The following JSRP1 variants were observed in gnomAD, a reference collection of about 807,000 sequenced individuals.
JSRP1 encodes the protein junctional sarcoplasmic reticulum protein 1.
A neutral mutation model predicts 21.4 loss-of-function variants in JSRP1; 29 were observed. That is an observed-to-expected ratio of 1.36 (90% CI 1.01 to 1.85). The LOEUF (loss-of-function observed/expected upper bound fraction) is 1.85. Ranked by LOEUF, JSRP1 falls within the 40% of genes most tolerant of loss-of-function variation. The probability of loss-of-function intolerance (pLI) is 0.00; values close to 1 mark genes in which losing one functional copy is unlikely to be tolerated. For synonymous variants in JSRP1, 221 were observed against 206.1 expected, an observed-to-expected ratio of 1.07 and a Z score of -0.62; for missense variants, 531 against 461.5, an observed-to-expected ratio of 1.15 and a Z score of -1.38.
At chr19:2,255,639 A>C (rs754346542) in intron 1 of JSRP1, among the ~76,000 whole-genome samples, 2 of 152,230 alleles carry the variant, frequency 1.3e-5, no homozygotes, top group African/African-American at 2.4e-5. Context: ...CTGCAGGACA[A>C]CACAGCAATG....
At chr19:2,252,873 A>AG (rs1599141522) in intron 6 of JSRP1, 39 bp downstream of exon 6, 1 of 1,596,492 alleles carries the variant, frequency 6.3e-7, no homozygotes, top group Non-Finnish European at 8.6e-7. Context: ...TTGGGGATGA[A>AG]GGTCCCAATG....
chr19:2,252,289 G>C lies in JSRP1; in HGVS notation c.*40C>G, dbSNP rs916792939. On this transcript the variant is annotated 3_prime_UTR_variant, in exon 7 of 7. Coordinates refer to ENST00000300961, the MANE Select transcript of JSRP1 (RefSeq NM_144616.4). ...CGCTTTATTTCGCCAGAGTCGCGGG[G>C]CGTCCAGAAGGGGCCCCTGGACTCC... is the stretch of plus-strand genomic sequence containing the variant. The C allele has an allele frequency of 1.4e-6, 2 of 1,409,096 alleles. No homozygotes were observed. Among genetic ancestry groups the C allele is most frequent in the Non-Finnish European group, 1.9e-6 (2 of 1,074,860 alleles). 87.3% of individuals were successfully genotyped at this position (1,409,096 alleles called of 1,614,324 possible). A position where few individuals can be genotyped will look rare whatever the true frequency, so the allele number is the denominator to read the frequency against.
rs2064707015 is a variant in JSRP1, at chr19:2,252,667, C to T, written c.658G>A (p.Gly220Arg). The T allele has an allele frequency of 3.1e-6, 5 of 1,612,030 alleles. No individual in the cohort carries two copies. The highest frequency in any genetic ancestry group is 1.3e-5 in the African/African-American group (1 of 74,920). The change falls in exon 7 of 7, where the codon GGA (glycine) becomes AGA (arginine). Residue 220 changes from glycine to arginine, a missense_variant. Transcript: ENST00000300961. Reference sequence around the variant, plus strand: ...ACACGGTCCTCCCGGACGGCCTCTCCGGTGGCCTCGCCGGGCTCCTCTTCG... The same window carrying T: ...ACACGGTCCTCCCGGACGGCCTCTCTGGTGGCCTCGCCGGGCTCCTCTTCG... ...NDEEEPGEAT[G>R]EAVREDRVTL... is the part of the protein sequence containing the mutation.
intron 6 of JSRP1, 32 bp from the exon 7 acceptor site, chr19:2,252,828 G>A (rs866076150): frequency 6.3e-7 from 1 of 1,595,640 alleles, no homozygotes; most frequent in Non-Finnish European, 8.6e-7. Flanking sequence ...TGGGGTAAGC[G>A]CCCACCTTCC....
chr19:2,256,295 C>G (rs1184356352), intron 1 of JSRP1, 88 bp downstream of exon 1: 1 of 152,286 alleles, frequency 6.6e-6, no homozygotes, highest in East Asian at 1.9e-4. Flanking sequence ...CCTTACAGTC[C>G]TCTGCAACAC....
chr19:2,252,310 ACTCCGGCGCGGGGCCGG>A lies in JSRP1; in HGVS notation c.*2_*18del. ...CGGGGCGTCCAGAAGGGGCCCCTGG[ACTCCGGCGCGGGGCCGG>A]CTCAGTCCCGCCCCTTGCCTGCGCG... On this transcript the variant is annotated 3_prime_UTR_variant, in exon 7 of 7. Transcript: ENST00000300961. 6.2e-6 allele frequency: 9 copies of A among 1,445,940 alleles called. No homozygotes were observed. Among genetic ancestry groups the A allele is most frequent in the Non-Finnish European group, 8.1e-6 (9 of 1,104,890 alleles). The allele number at this position is 1,445,940 out of a possible 1,614,324, so 89.6% of individuals were successfully genotyped here.
intron 1 of JSRP1, among the ~76,000 whole-genome samples, chr19:2,255,789 C>G (rs78726952): frequency 6.6e-6 from 1 of 152,214 alleles, no homozygotes; most frequent in Non-Finnish European, 1.5e-5. Flanking sequence ...GGCCTCTGCT[C>G]TCATGGGGTC....
rs1222856975 is a variant in JSRP1, at chr19:2,253,660, C to T, written c.396G>A (p.Ser132=). The stretch of plus-strand genomic sequence containing the variant: ...AAGCCGAGCCCAGCAGCGCCACCAG[C>T]GAGGCGAGCACCAGGCACTTGTTGA... The part of the protein sequence containing the change: ...LSLNKCLVLA[S]LVALLGSAFQ... The change falls in exon 5 of 7, where the codon TCG becomes TCA. Residue 132 remains serine (S), a synonymous_variant. Transcript: ENST00000300961. The T allele has an allele frequency of 2.0e-6, 3 of 1,507,368 alleles. No homozygotes were observed. Among genetic ancestry groups the T allele is most frequent in the Non-Finnish European group, 2.6e-6 (3 of 1,134,724 alleles). The allele number at this position is 1,507,368 out of a possible 1,614,324, so 93.4% of individuals were successfully genotyped here. A position where few individuals can be genotyped will look rare whatever the true frequency, so the allele number is the denominator to read the frequency against.
At position 2,254,312 on chromosome 19, in the gene JSRP1, C is replaced by T. The variant is rs769724081; in HGVS notation, c.148-11G>A. The T allele has an allele frequency of 1.9e-6, 3 of 1,594,226 alleles. No homozygotes were observed. The highest frequency in any genetic ancestry group is 1.7e-6 in the Non-Finnish European group (2 of 1,165,580). On this transcript the variant is annotated splice_polypyrimidine_tract_variant and intron_variant, in intron 3 of 6. Coordinates refer to ENST00000300961, the MANE Select transcript of JSRP1 (RefSeq NM_144616.4). ...AGCCACCTGAGAGTCCTGTGGTTAT[C>T]ACGAGACATTCCACATGTTTCCTTC...
At chr19:2,256,209 G>C (rs1470737908) in intron 1 of JSRP1, among the ~76,000 whole-genome samples, 174 bp downstream of exon 1, 2 of 152,160 alleles carry the variant, frequency 1.3e-5, no homozygotes, top group Non-Finnish European at 2.9e-5. Flanking sequence ...TGGCAGTGGG[G>C]GAGGGGCCCA....
chr19:2,252,283 C>A lies in JSRP1; in HGVS notation c.*46G>T. 1 of 1,400,078 alleles carries A rather than the reference C, an allele frequency of 7.1e-7. No individual in the cohort carries two copies. The highest frequency in any genetic ancestry group is 1.5e-5 in the South Asian group (1 of 66,744). The allele number at this position is 1,400,078 out of a possible 1,614,324, so 86.7% of individuals were successfully genotyped here. The stretch of plus-strand genomic sequence containing the variant: ...AGCACTCGCTTTATTTCGCCAGAGT[C>A]GCGGGGCGTCCAGAAGGGGCCCCTG... On this transcript the variant is annotated 3_prime_UTR_variant, in exon 7 of 7. Transcript: ENST00000300961.
intron 5 of JSRP1, 71 bp from the exon 6 acceptor site, chr19:2,253,074 C>T (rs2025087673): frequency 2.9e-6 from 3 of 1,032,234 alleles, no homozygotes; most frequent in Non-Finnish European, 4.4e-6. Context: ...CCCTCCCTCA[C>T]CCCTAGAGCC....
At position 2,252,315 on chromosome 19, in the gene JSRP1, G is replaced by C. The variant is rs200163373; in HGVS notation, c.*14C>G. On this transcript the variant is annotated 3_prime_UTR_variant, in exon 7 of 7. Coordinates refer to ENST00000300961, the MANE Select transcript of JSRP1 (RefSeq NM_144616.4). The stretch of plus-strand genomic sequence containing the variant: ...CGTCCAGAAGGGGCCCCTGGACTCC[G>C]GCGCGGGGCCGGCTCAGTCCCGCCC... 750 of 1,450,160 alleles carry C rather than the reference G, an allele frequency of 5.2e-4. 7 individuals carry two copies. The African/African-American group carries it at 9.2e-3, about 18-fold the overall frequency. The allele number at this position is 1,450,160 out of a possible 1,614,324, so 89.8% of individuals were successfully genotyped here.
In JSRP1 at chr19:2,255,309, G is replaced by A. The variant is rs2025131754; in HGVS notation, c.6C>T (p.Ser2=). The change falls in exon 2 of 7, where the codon TCC becomes TCT. Residue 2 remains serine, a synonymous_variant. Transcript: ENST00000300961. M[S]MTTRAWEELD... is the part of the protein sequence containing the mutation. ...GCTCCTCCCAGGCTCTGGTTGTCATGGACATGGCTGGAGCAGCAGCAGGTC... is the reference window on the plus strand; with the variant it reads ...GCTCCTCCCAGGCTCTGGTTGTCATAGACATGGCTGGAGCAGCAGCAGGTC... 3.7e-6 allele frequency: 6 copies of A among 1,607,288 alleles called. No homozygotes were observed. The highest frequency in any genetic ancestry group is 5.1e-6 in the Non-Finnish European group (6 of 1,176,610).
intron 4 of JSRP1, 70 bp downstream of exon 4, chr19:2,254,117 G>C: frequency 9.8e-6 from 12 of 1,224,462 alleles, no homozygotes; most frequent in South Asian, 1.4e-5. Flanking sequence ...CAAGGACCCA[G>C]CTCCGGCACC....
chr19:2,253,263 G>A (rs573662904), intron 5 of JSRP1, among the ~76,000 whole-genome samples: 75 of 152,356 alleles, frequency 4.9e-4, no homozygotes, highest in African/African-American at 1.8e-3. Flanking sequence ...TAGCAAGGGA[G>A]GGGTCGCAGG....
intron 2 of JSRP1, 94 bp from the exon 3 acceptor site, chr19:2,254,576 C>A: frequency 7.2e-7 from 1 of 1,381,878 alleles, no homozygotes; most frequent in Admixed American, 1.8e-5. Flanking sequence ...GGGTGACTAA[C>A]CCCATCTTAT....
At chr19:2,255,905 G>A (rs1014293871) in intron 1 of JSRP1, among the ~76,000 whole-genome samples, 16 of 152,194 alleles carry the variant, frequency 1.1e-4, no homozygotes, top group African/African-American at 3.6e-4. Context: ...CCTGGCTCTG[G>A]TCGTGACAGG....
At position 2,252,695 on chromosome 19, in the gene JSRP1, G is replaced by C; in HGVS notation, c.630C>G (p.Asn210Lys). The C allele has an allele frequency of 6.2e-7, 1 of 1,612,176 alleles. No individual in the cohort carries two copies. The highest frequency in any genetic ancestry group is 2.2e-5 in the East Asian group (1 of 44,854). Residue 210 changes from asparagine (N) to lysine (K), a missense_variant, in exon 7 of 7, where the codon AAC becomes AAG. Transcript: ENST00000300961. ...KIPGSREAAENDEEEPGEATG... is the reference protein window; with the variant it reads ...KIPGSREAAEKDEEEPGEATG... ...TGGCCTCGCCGGGCTCCTCTTCGTC[G>C]TTCTCTGCAGCCTCCCGACTCCCGG...
Sources: allele counts gnomAD v4.1 joint callset (sites outside exome capture counted in the v4.1 genomes callset), GRCh38; gene constraint gnomAD v4.1.1; transcripts MANE v1.5; gene names NCBI Gene and HGNC (gene_info 2026-07-23, HGNC 2026-07-21).